The following TNKS variants were observed in gnomAD, a reference collection of about 807,000 sequenced individuals.
TNKS encodes the protein tankyrase, also known as poly [ADP-ribose] polymerase tankyrase-1.
A neutral mutation model predicts 135.8 loss-of-function variants in TNKS; 72 were observed. That is an observed-to-expected ratio of 0.53 (90% CI 0.44 to 0.64). The LOEUF (loss-of-function observed/expected upper bound fraction) is 0.64. TNKS is among the 30% of genes least tolerant of loss of function. TNKS has a pLI of 0.00. For missense variants in TNKS, 1,769 were observed against 1,674.0 expected, an observed-to-expected ratio of 1.06 and a Z score of -0.99; for synonymous variants, 849 against 649.3, an observed-to-expected ratio of 1.31 and a Z score of -4.68.
intron 3 of TNKS, among the ~76,000 whole-genome samples, chr8:9,657,716 G>A (rs1801468037): frequency 8.8e-6 from 1 of 113,246 alleles, no homozygotes; most frequent in Non-Finnish European, 1.9e-5. Flanking sequence ...TCACTTCCCA[G>A]TAGGGGCGGC....
chr8:9,680,543 A>C (rs1382061512), intron 4 of TNKS, among the ~76,000 whole-genome samples, 182 bp from the exon 5 acceptor site: 1 of 152,204 alleles, frequency 6.6e-6, no homozygotes, highest in African/African-American at 2.4e-5. Context: ...ACTATAGGGT[A>C]ATTAACAGGA....
At chr8:9,632,919 T>C (rs997216218) in intron 3 of TNKS, among the ~76,000 whole-genome samples, 14 of 152,112 alleles carry the variant, frequency 9.2e-5, no homozygotes, top group South Asian at 2.1e-4. Flanking sequence ...TTAGTAGAGA[T>C]GGGGTTTCAC....
chr8:9,757,062 C>T (rs1358372130), intron 20 of TNKS, among the ~76,000 whole-genome samples: 2 of 152,118 alleles, frequency 1.3e-5, no homozygotes, highest in African/African-American at 2.4e-5. Context: ...CTGCAACCTC[C>T]GCCTCCCAGG....
intron 1 of TNKS, among the ~76,000 whole-genome samples, chr8:9,579,100 A>G (rs4841175): frequency 0.29 from 43,505 of 151,968 alleles, 6,629 homozygotes; most frequent in East Asian, 0.38. Context: ...TCCTTAGACT[A>G]CTTGAGACTC....
chr8:9,556,560 A>G lies in TNKS; in HGVS notation c.621A>G (p.Val207=). 6.2e-7 allele frequency: 1 copy of G among 1,614,112 alleles called. No individual in the cohort carries two copies. The highest frequency in any genetic ancestry group is 8.5e-7 in the Non-Finnish European group (1 of 1,180,036). The part of the protein sequence containing the change: ...RVKRLVDAAN[V]NAKDMAGRKS... ...AGAGGCTGGTGGACGCGGCAAACGT[A>G]AATGCAAAGGACATGGCCGGCCGGA... Residue 207 remains valine (V), a synonymous_variant, in exon 1 of 27, where the codon GTA becomes GTG. Transcript: ENST00000310430.
chr8:9,641,455 A>G (rs1448403789), intron 3 of TNKS, among the ~76,000 whole-genome samples: 1 of 144,848 alleles, frequency 6.9e-6, no homozygotes, highest in African/African-American at 2.6e-5. Context: ...CACTGGACTC[A>G]TTTTAGTATA....
chr8:9,747,285 C>G (rs1423933025), intron 17 of TNKS, among the ~76,000 whole-genome samples: 1 of 139,270 alleles, frequency 7.2e-6, no homozygotes, highest in African/African-American at 2.6e-5. Context: ...ATGTAGTCAT[C>G]TTTGACTTTT....
rs575772438 is a variant in TNKS, at chr8:9,705,967, G to A, written c.1203-220G>A. Among the ~76,000 whole-genome samples, 136 of 151,782 alleles carry A rather than the reference G, an allele frequency of 9.0e-4. 1 individual carries two copies. Among genetic ancestry groups the A allele is most frequent in the African/African-American group, 3.1e-3 (128 of 41,380 alleles). On this transcript the variant is annotated intron_variant, in intron 6 of 26. Transcript: ENST00000310430. ...TTTCGCCAAAATGTTCTTCTATTTG[G>A]TATTTTTTTCATTATCTTCAAGGAT...
At chr8:9,691,116 A>G (rs558255253) in intron 5 of TNKS, among the ~76,000 whole-genome samples, 1 of 152,264 alleles carries the variant, frequency 6.6e-6, no homozygotes, top group African/African-American at 2.4e-5. Context: ...GAAGGTAGTC[A>G]GAAAATTCTT....
chr8:9,680,854 A>T (rs991181901), intron 5 of TNKS, 54 bp downstream of exon 5: 2 of 1,360,088 alleles, frequency 1.5e-6, no homozygotes, highest in African/African-American at 2.9e-5. Context: ...AAATTTTGTG[A>T]ATGTGGCATA....
At chr8:9,745,194 A>G (rs1204466373) in intron 17 of TNKS, among the ~76,000 whole-genome samples, 1 of 152,230 alleles carries the variant, frequency 6.6e-6, no homozygotes, top group Non-Finnish European at 1.5e-5. Flanking sequence ...GAGATAAATT[A>G]CTAGGTTTGG....
chr8:9,634,139 G>C (rs1392263048), intron 3 of TNKS, among the ~76,000 whole-genome samples: 1 of 149,036 alleles, frequency 6.7e-6, no homozygotes, highest in Non-Finnish European at 1.5e-5. Flanking sequence ...AGCACAAGAA[G>C]GATAAACCAG....
chr8:9,579,617 T>C lies in TNKS; in HGVS notation c.674-542T>C, dbSNP rs575084126. Among the ~76,000 whole-genome samples, 79 of 152,220 alleles carry C rather than the reference T, an allele frequency of 5.2e-4. 1 individual carries two copies. The highest frequency in any genetic ancestry group is 1.8e-3 in the African/African-American group (73 of 41,558). On this transcript the variant is annotated intron_variant, in intron 1 of 26. Transcript: ENST00000310430. ...CCAAGTAGGTGGGATTACAGGTGCC[T>C]GCCATCACGCCTGGCTAATTTTTGT...
At chr8:9,717,302 T>G (rs1804663167) in intron 11 of TNKS, among the ~76,000 whole-genome samples, 1 of 151,572 alleles carries the variant, frequency 6.6e-6, no homozygotes, top group Non-Finnish European at 1.5e-5. Context: ...ATTTGTCTCT[T>G]TCATTCCTCA....
intron 3 of TNKS, among the ~76,000 whole-genome samples, chr8:9,661,885 A>T (rs562231081): frequency 3.6e-4 from 55 of 152,368 alleles, no homozygotes; most frequent in African/African-American, 1.3e-3. Flanking sequence ...AAACAAATGT[A>T]CAAGAAAAAA....
At chr8:9,595,382 T>G (rs886683840) in intron 2 of TNKS, among the ~76,000 whole-genome samples, 6 of 151,798 alleles carry the variant, frequency 4.0e-5, no homozygotes, top group African/African-American at 1.5e-4. Context: ...AGAATGAGAG[T>G]CATTGTGCCT....
intron 2 of TNKS, among the ~76,000 whole-genome samples, chr8:9,599,928 C>G (rs1026350884): frequency 6.6e-6 from 1 of 152,138 alleles, no homozygotes; most frequent in African/African-American, 2.4e-5. Context: ...ATGCATTTAA[C>G]TCATTAAGTC....
intron 5 of TNKS, 25 bp downstream of exon 5, chr8:9,680,825 C>T (rs745687596): frequency 1.3e-6 from 2 of 1,590,070 alleles, no homozygotes; most frequent in African/African-American, 1.3e-5. Flanking sequence ...ATACAATCCT[C>T]TTTAATTGCA....
chr8:9,742,616 G>A (rs1010065998), intron 17 of TNKS, among the ~76,000 whole-genome samples: 5 of 151,314 alleles, frequency 3.3e-5, no homozygotes, highest in Non-Finnish European at 7.4e-5. Context: ...TCAGCACGTT[G>A]GGAGGCTGAG....
Sources: gnomAD v4.1 joint callset for allele counts (sites outside exome capture counted in the v4.1 genomes callset) on GRCh38, gnomAD v4.1.1 for gene constraint, MANE v1.5 for transcripts, NCBI Gene and HGNC (gene_info 2026-07-23, HGNC 2026-07-21) for gene names.